Variants in PLXNA4 observed in about 807,000 individuals in gnomAD.
PLXNA4 encodes plexin-A4.
A neutral mutation model predicts 191.8 loss-of-function variants in PLXNA4; 44 were observed. That is an observed-to-expected ratio of 0.23 (90% CI 0.18 to 0.29). PLXNA4 has a LOEUF of 0.29. PLXNA4 is among the 10% of genes least tolerant of loss of function. PLXNA4 has a pLI of 1.00. For missense variants in PLXNA4, 1,800 were observed against 2,488.8 expected, an observed-to-expected ratio of 0.72 and a Z score of 5.89; for synonymous variants, 1,082 against 1,009.5, an observed-to-expected ratio of 1.07 and a Z score of -1.36.
intron 1 of PLXNA4, among the ~76,000 whole-genome samples, chr7:132,563,283 TCTC>T (rs757156288): frequency 5.1e-4 from 50 of 97,604 alleles, no homozygotes; most frequent in Non-Finnish European, 8.5e-4. Flanking sequence ...TCCTCCTCCT[TCTC>T]CTCCTCCTTT....
At chr7:132,393,199 C>T (rs540435512) in intron 3 of PLXNA4, among the ~76,000 whole-genome samples, 4 of 115,480 alleles carry the variant, frequency 3.5e-5, no homozygotes, top group East Asian at 4.2e-4. Flanking sequence ...CACCCCCCCC[C>T]ACCACCACCA....
intron 3 of PLXNA4, chr7:132,385,111 T>C: frequency 6.3e-7 from 1 of 1,579,758 alleles, no homozygotes; most frequent in African/African-American, 1.3e-5. Context: ...GAGGTAGATG[T>C]GTCTCATCTG....
intron 3 of PLXNA4, among the ~76,000 whole-genome samples, chr7:132,452,503 G>A (rs968863743): frequency 2.6e-5 from 4 of 152,174 alleles, no homozygotes; most frequent in Admixed American, 2.6e-4. Flanking sequence ...AAAAAACATG[G>A]CACACAGTGT....
At chr7:132,321,842 GT>G (rs1465278776) in intron 3 of PLXNA4, among the ~76,000 whole-genome samples, 1 of 152,060 alleles carries the variant, frequency 6.6e-6, no homozygotes, top group Admixed American at 6.5e-5. Context: ...AGAGTTTCAA[GT>G]TTCTGGGGAG....
chr7:132,561,799 CCTT>C (rs1223901872), intron 1 of PLXNA4, among the ~76,000 whole-genome samples: 7 of 140,322 alleles, frequency 5.0e-5, no homozygotes, highest in African/African-American at 1.1e-4. Context: ...ACCTCCTCCT[CCTT>C]ATCCTCCTCT....
chr7:132,482,375 C>A (rs1045249246), intron 3 of PLXNA4, among the ~76,000 whole-genome samples: 3 of 152,146 alleles, frequency 2.0e-5, no homozygotes, highest in African/African-American at 7.2e-5. Context: ...ATGGAGGGGC[C>A]CACATGGCAA....
intron 3 of PLXNA4, among the ~76,000 whole-genome samples, chr7:132,394,453 T>TG (rs1195575301): frequency 6.6e-6 from 1 of 152,232 alleles, no homozygotes; most frequent in Non-Finnish European, 1.5e-5. Flanking sequence ...TATATGACTT[T>TG]GGGCAAGTCA....
At chr7:132,273,934 G>A (rs1375144820) in intron 4 of PLXNA4, among the ~76,000 whole-genome samples, 1 of 151,888 alleles carries the variant, frequency 6.6e-6, no homozygotes, top group Non-Finnish European at 1.5e-5. Context: ...ACTGGAAACA[G>A]CTCAAATGTC....
At chr7:132,299,223 A>G (rs1801217794) in intron 3 of PLXNA4, among the ~76,000 whole-genome samples, 6 of 152,262 alleles carry the variant, frequency 3.9e-5, no homozygotes. Flanking sequence ...CACATGCACA[A>G]CTGTAAGCTA....
At chr7:132,175,516 C>A (rs1449402539) in intron 20 of PLXNA4, among the ~76,000 whole-genome samples, 3 of 152,192 alleles carry the variant, frequency 2.0e-5, no homozygotes, top group Non-Finnish European at 4.4e-5. Flanking sequence ...CAAGGTATTT[C>A]TTTGTCCTTC....
At chr7:132,143,955 C>T (rs549836070) in intron 29 of PLXNA4, among the ~76,000 whole-genome samples, 2 of 152,268 alleles carry the variant, frequency 1.3e-5, no homozygotes, top group Non-Finnish European at 2.9e-5. Flanking sequence ...TCTCTTCTCC[C>T]GGTGAAGAGG....
intron 27 of PLXNA4, among the ~76,000 whole-genome samples, chr7:132,147,569 T>C (rs1486502796): frequency 5.3e-5 from 8 of 152,220 alleles, no homozygotes; most frequent in African/African-American, 1.9e-4. Flanking sequence ...TATAATGTAC[T>C]AATCTGCATA....
intron 2 of PLXNA4, among the ~76,000 whole-genome samples, chr7:132,601,735 T>C (rs1802824757): frequency 6.6e-6 from 1 of 152,208 alleles, no homozygotes; most frequent in African/African-American, 2.4e-5. Context: ...GGGGTCTTTT[T>C]CTGTGGTGGC....
At chr7:132,424,313 A>T (rs565274890) in intron 3 of PLXNA4, among the ~76,000 whole-genome samples, 2 of 152,180 alleles carry the variant, frequency 1.3e-5, no homozygotes, top group African/African-American at 4.8e-5. Context: ...AAAGAGGCAG[A>T]TCTAGGAAAT....
At chr7:132,244,850 C>A (rs1798994707) in intron 4 of PLXNA4, among the ~76,000 whole-genome samples, 1 of 152,214 alleles carries the variant, frequency 6.6e-6, no homozygotes, top group Non-Finnish European at 1.5e-5. Flanking sequence ...TTAGTCCAAC[C>A]ATTTAGCTTA....
chr7:132,355,709 A>C (rs981782821), intron 3 of PLXNA4, among the ~76,000 whole-genome samples: 1 of 152,072 alleles, frequency 6.6e-6, no homozygotes. Flanking sequence ...CCCTCTGCCT[A>C]TGCCTAGGAA....
chr7:132,394,910 A>C (rs1793688228), intron 3 of PLXNA4, among the ~76,000 whole-genome samples: 2 of 152,136 alleles, frequency 1.3e-5, no homozygotes, highest in South Asian at 4.1e-4. Context: ...GCTCTGATCC[A>C]CCAGTCAGGT....
At chr7:132,470,968 C>T (rs1796912032) in intron 3 of PLXNA4, among the ~76,000 whole-genome samples, 1 of 152,122 alleles carries the variant, frequency 6.6e-6, no homozygotes, top group African/African-American at 2.4e-5. Flanking sequence ...AGTCCCCGCC[C>T]AAATCTCAAG....
chr7:132,505,845 C>T (rs986231736), intron 2 of PLXNA4, among the ~76,000 whole-genome samples: 8 of 152,046 alleles, frequency 5.3e-5, no homozygotes, highest in African/African-American at 1.9e-4. Context: ...GTCCATACCC[C>T]CGTAAGTTCA....
Sources: gnomAD v4.1 joint callset for allele counts (sites outside exome capture counted in the v4.1 genomes callset) on GRCh38, gnomAD v4.1.1 for gene constraint, MANE v1.5 for transcripts, NCBI Gene and HGNC (gene_info 2026-07-23, HGNC 2026-07-21) for gene names.